Variants in DSCAM observed in about 807,000 individuals in gnomAD.
The protein encoded by DSCAM is DS cell adhesion molecule.
A neutral mutation model predicts 217.7 loss-of-function variants in DSCAM; 47 were observed. That is an observed-to-expected ratio of 0.22 (90% CI 0.17 to 0.28). The LOEUF (loss-of-function observed/expected upper bound fraction) is 0.28, where lower values mean the gene tolerates loss of function less well. DSCAM is among the 10% of genes least tolerant of loss of function. The probability of loss-of-function intolerance (pLI) is 1.00; values close to 1 mark genes in which losing one functional copy is unlikely to be tolerated. For missense variants in DSCAM, 2,080 were observed against 2,618.3 expected (o/e 0.79, Z 4.49); for synonymous variants, 1,056 against 1,015.3 (o/e 1.04, Z -0.76).
chr21:40,653,326 G>T (rs2090037759), intron 3 of DSCAM, among the ~76,000 whole-genome samples: 1 of 152,182 alleles, frequency 6.6e-6, no homozygotes, highest in African/African-American at 2.4e-5. Context: ...TGGCTGCTTT[G>T]ATGTGCCCAG....
chr21:40,533,744 T>TCCAC, intron 3 of DSCAM, among the ~76,000 whole-genome samples: 1 of 132,194 alleles, frequency 7.6e-6, no homozygotes, highest in Non-Finnish European at 1.6e-5. Flanking sequence ...TATCCATCCA[T>TCCAC]CCACCCATCC....
At chr21:40,032,212 A>G (rs2088539648) in intron 32 of DSCAM, among the ~76,000 whole-genome samples, 1 of 152,138 alleles carries the variant, frequency 6.6e-6, no homozygotes, top group African/African-American at 2.4e-5. Flanking sequence ...TGGGAACTGT[A>G]TCCATCTTTG....
intron 3 of DSCAM, among the ~76,000 whole-genome samples, chr21:40,530,342 T>G (rs892630009): frequency 4.6e-5 from 7 of 152,196 alleles, no homozygotes; most frequent in African/African-American, 1.7e-4. Flanking sequence ...AACTACAGGT[T>G]AAAAAAAGTT....
intron 3 of DSCAM, among the ~76,000 whole-genome samples, chr21:40,598,812 T>C (rs1426219181): frequency 6.6e-6 from 1 of 152,186 alleles, no homozygotes; most frequent in African/African-American, 2.4e-5. Flanking sequence ...CCAAACTGTC[T>C]TTTAAAGTGA....
At chr21:40,502,675 G>T (rs1490545905) in intron 3 of DSCAM, among the ~76,000 whole-genome samples, 1 of 152,002 alleles carries the variant, frequency 6.6e-6, no homozygotes, top group Non-Finnish European at 1.5e-5. Flanking sequence ...CTACTTTTAA[G>T]GACTCTTGTC....
chr21:40,692,202 G>A (rs544406950), intron 3 of DSCAM, among the ~76,000 whole-genome samples: 164 of 152,312 alleles, frequency 1.1e-3, no homozygotes, highest in African/African-American at 3.8e-3. Flanking sequence ...AAATAGCACA[G>A]AGCAAGAAAT....
chr21:40,321,964 C>A (rs895166072), intron 8 of DSCAM, among the ~76,000 whole-genome samples: 1 of 152,176 alleles, frequency 6.6e-6, no homozygotes, highest in Admixed American at 6.5e-5. Flanking sequence ...AGGCGCTAGA[C>A]CCTTTTGAGA....
At chr21:40,267,623 G>A (rs1196560245) in intron 11 of DSCAM, among the ~76,000 whole-genome samples, 2 of 151,944 alleles carry the variant, frequency 1.3e-5, no homozygotes, top group East Asian at 4.0e-4. Context: ...TGGGCCGGGT[G>A]TGGTGGCTTA....
chr21:40,525,047 CTG>C (rs1312626757), intron 3 of DSCAM, among the ~76,000 whole-genome samples: 1 of 145,676 alleles, frequency 6.9e-6, no homozygotes, highest in Non-Finnish European at 1.5e-5. Flanking sequence ...TCACAGAAGA[CTG>C]TGAAATTCAA....
At chr21:40,376,350 T>C (rs2123714247) in intron 3 of DSCAM, among the ~76,000 whole-genome samples, 1 of 151,106 alleles carries the variant, frequency 6.6e-6, no homozygotes, top group Admixed American at 6.6e-5. Flanking sequence ...AGAAACCACA[T>C]GATCCTCTTA....
chr21:40,447,526 G>GA (rs1215772784), intron 3 of DSCAM, among the ~76,000 whole-genome samples: 2 of 151,886 alleles, frequency 1.3e-5, no homozygotes, highest in Non-Finnish European at 2.9e-5. Context: ...CTCAAATTAG[G>GA]AAAAAAAGTA....
chr21:40,267,542 A>G (rs2073555663), intron 11 of DSCAM, among the ~76,000 whole-genome samples: 1 of 152,220 alleles, frequency 6.6e-6, no homozygotes, highest in African/African-American at 2.4e-5. Context: ...GGCTACTGTC[A>G]TAGATGTGGT....
At chr21:40,673,821 G>A (rs1400143894) in intron 3 of DSCAM, among the ~76,000 whole-genome samples, 1 of 152,094 alleles carries the variant, frequency 6.6e-6, no homozygotes, top group Non-Finnish European at 1.5e-5. Flanking sequence ...ATGAGTAAAA[G>A]CTCCCTGAGG....
intron 3 of DSCAM, among the ~76,000 whole-genome samples, chr21:40,664,409 TC>T (rs528852966): frequency 2.0e-3 from 311 of 152,090 alleles, no homozygotes; most frequent in African/African-American, 7.2e-3. Flanking sequence ...CTGCCCTGTT[TC>T]CCCCCGGGAT....
At chr21:40,431,110 C>T (rs777791987) in intron 3 of DSCAM, among the ~76,000 whole-genome samples, 2 of 152,250 alleles carry the variant, frequency 1.3e-5, no homozygotes, top group Non-Finnish European at 2.9e-5. Context: ...CCTGCCACAT[C>T]TTCATTATCT....
intron 20 of DSCAM, among the ~76,000 whole-genome samples, chr21:40,111,590 T>G (rs2089899630): frequency 6.6e-6 from 1 of 152,148 alleles, no homozygotes; most frequent in Non-Finnish European, 1.5e-5. Context: ...GTAAATGGAC[T>G]AAATGCTCCA....
intron 16 of DSCAM, among the ~76,000 whole-genome samples, chr21:40,148,884 C>A (rs918152073): frequency 7.9e-5 from 12 of 152,132 alleles, no homozygotes; most frequent in African/African-American, 2.7e-4. Flanking sequence ...GGTAGAAGCA[C>A]CTCTATCACT....
rs2089839710 is a variant in DSCAM at position 40,638,729 on chromosome 21, C to T, written c.508+54081G>A. On this transcript the variant is annotated intron_variant, in intron 3 of 32. Coordinates refer to ENST00000400454, the MANE Select transcript of DSCAM (RefSeq NM_001389.5). ...TTACGAGAAAAATGAGCGGTAATTA[C>T]ACCCATTTTACTCGCGGCTAGACAG... Among the ~76,000 whole-genome samples the T allele has an allele frequency of 2.0e-5, 3 of 152,136 alleles. No homozygotes were observed. In the South Asian group the frequency reaches 6.2e-4, roughly 32 times the overall value.
intron 1 of DSCAM, among the ~76,000 whole-genome samples, chr21:40,726,654 C>T (rs1307767924): frequency 1.3e-5 from 2 of 152,112 alleles, no homozygotes; most frequent in Admixed American, 6.5e-5. Flanking sequence ...CAACCCTATG[C>T]GGAACAGTGC....
Sources: allele counts gnomAD v4.1 joint callset (sites outside exome capture counted in the v4.1 genomes callset), GRCh38; gene constraint gnomAD v4.1.1; transcripts MANE v1.5; gene names NCBI Gene and HGNC (gene_info 2026-07-23, HGNC 2026-07-21).